Variants in SPATA7 observed in about 807,000 individuals in gnomAD.
SPATA7 encodes the protein spermatogenesis-associated protein 7.
Under a neutral mutation model 51.8 loss-of-function variants are expected in SPATA7, and 43 were observed. The ratio of observed to expected loss-of-function variants is 0.83; its 90% confidence interval spans 0.65 to 1.07. The LOEUF (loss-of-function observed/expected upper bound fraction) is 1.07, where lower values mean the gene tolerates loss of function less well. SPATA7 is among the 50% of genes least tolerant of loss of function. SPATA7 has a pLI of 0.00. For synonymous variants in SPATA7, 230 were observed against 252.8 expected (o/e 0.91, Z 0.86); for missense variants, 683 against 701.3 (o/e 0.97, Z 0.30).
chr14:88,411,769 A>C (rs1240795354), intron 4 of SPATA7, among the ~76,000 whole-genome samples: 1 of 151,992 alleles, frequency 6.6e-6, no homozygotes, highest in Non-Finnish European at 1.5e-5. Context: ...ATGGACACCC[A>C]GGTTGGTTCC....
chr14:88,418,271 T>G (rs2076541296), intron 5 of SPATA7, among the ~76,000 whole-genome samples: 1 of 151,418 alleles, frequency 6.6e-6, no homozygotes. Context: ...TTTATTTCCC[T>G]CTCTCTGGGT....
At chr14:88,430,437 C>A (rs2076909269) in intron 8 of SPATA7, among the ~76,000 whole-genome samples, 1 of 152,112 alleles carries the variant, frequency 6.6e-6, no homozygotes, top group Admixed American at 6.6e-5. Flanking sequence ...TTTTCTAATA[C>A]TTTCTAAAAG....
At chr14:88,420,741 C>T (rs886695959) in intron 5 of SPATA7, among the ~76,000 whole-genome samples, 1 of 152,134 alleles carries the variant, frequency 6.6e-6, no homozygotes, top group South Asian at 2.1e-4. Context: ...CCCCAGACAC[C>T]ATATAATTTT....
chr14:88,412,297 A>G (rs1232567271), intron 4 of SPATA7, among the ~76,000 whole-genome samples: 4 of 151,028 alleles, frequency 2.6e-5, no homozygotes, highest in Non-Finnish European at 5.9e-5. Flanking sequence ...AATGAAATAT[A>G]TATATAAAGG....
At chr14:88,417,437 G>A (rs1446314002) in intron 5 of SPATA7, among the ~76,000 whole-genome samples, 2 of 151,458 alleles carry the variant, frequency 1.3e-5, no homozygotes, top group South Asian at 4.2e-4. Flanking sequence ...CTCCCCAGTA[G>A]CTAGGATCAC....
chr14:88,439,811 T>G (rs1261761423), downstream of SPATA7, among the ~76,000 whole-genome samples: 1 of 152,152 alleles, frequency 6.6e-6, no homozygotes, highest in African/African-American at 2.4e-5. Context: ...ATGGTGGGAC[T>G]GAGCACCCAA....
At chr14:88,467,642 T>C (rs1210435829) in intron 4 of SPATA7, 1 of 151,996 alleles carries the variant, frequency 6.6e-6, no homozygotes, top group Non-Finnish European at 1.5e-5. Flanking sequence ...GATAATAACA[T>C]GATTTTTAAA....
chr14:88,391,868 T>G (rs1471167880), intron 2 of SPATA7: 2 of 174,318 alleles, frequency 1.1e-5, no homozygotes, highest in African/African-American at 4.8e-5. Flanking sequence ...ATGGGCCTCT[T>G]TATCCAACTG....
intron 4 of SPATA7, among the ~76,000 whole-genome samples, chr14:88,407,098 G>A (rs1172717420): frequency 6.6e-6 from 1 of 152,144 alleles, no homozygotes; most frequent in Non-Finnish European, 1.5e-5. Flanking sequence ...TGTCTTTATA[G>A]TAGAATGAGT....
intron 4 of SPATA7, among the ~76,000 whole-genome samples, chr14:88,412,289 T>A (rs1350603514): frequency 6.6e-6 from 1 of 151,648 alleles, no homozygotes; most frequent in African/African-American, 2.4e-5. Flanking sequence ...ACAGAACTAA[T>A]GAAATATATA....
rs2077134911 is a variant in SPATA7 at position 88,437,914 on chromosome 14, A to AT, written c.1293dup (p.Asp432Ter). On this transcript the variant is annotated frameshift_variant, in exon 12 of 12. Coordinates refer to ENST00000393545, the MANE Select transcript of SPATA7 (RefSeq NM_018418.5). LOFTEE classifies it low-confidence loss of function (END_TRUNC). ...TCGGAGGAAAACTCGGTAAAGCAAAATGATGTTGATATGTTGAATGTATTT... is the reference window on the plus strand; with the variant it reads ...TCGGAGGAAAACTCGGTAAAGCAAAATTGATGTTGATATGTTGAATGTATTT... 8.7e-6 allele frequency: 14 copies of AT among 1,612,032 alleles called. No homozygotes were observed. Among genetic ancestry groups the AT allele is most frequent in the African/African-American group, 1.3e-5 (1 of 74,814 alleles).
chr14:88,438,486 T>C (rs1021493486), downstream of SPATA7: 7 of 1,266,644 alleles, frequency 5.5e-6, no homozygotes, highest in African/African-American at 1.0e-4. Flanking sequence ...TTTTTTAAAA[T>C]GTATGTATAA....
chr14:88,468,796 A>G, intron 4 of SPATA7: 2 of 1,268,542 alleles, frequency 1.6e-6, no homozygotes, highest in Non-Finnish European at 2.2e-6. Context: ...CATTAGTAAC[A>G]TCTTGAGGCC....
intron 4 of SPATA7, among the ~76,000 whole-genome samples, chr14:88,403,297 G>A (rs538562933): frequency 1.3e-5 from 2 of 152,252 alleles, no homozygotes; most frequent in East Asian, 3.9e-4. Flanking sequence ...ACTACCATAC[G>A]ATTAAGCAAT....
intron 2 of SPATA7, chr14:88,391,754 A>G (rs1224063710): frequency 7.2e-6 from 3 of 416,722 alleles, no homozygotes; most frequent in Non-Finnish European, 1.3e-5. Context: ...TGCCTTGTTA[A>G]AATGGTGAGT....
intron 2 of SPATA7, chr14:88,391,688 G>A: frequency 5.1e-6 from 3 of 585,954 alleles, no homozygotes; most frequent in South Asian, 4.9e-5. Context: ...GCTCCCAGCT[G>A]CTACAGCAGC....
At chr14:88,463,263 C>G (rs2077328707) in intron 4 of SPATA7, among the ~76,000 whole-genome samples, 1 of 152,084 alleles carries the variant, frequency 6.6e-6, no homozygotes, top group South Asian at 2.1e-4. Flanking sequence ...CCAATTTGCC[C>G]TCCTTCACCC....
intron 4 of SPATA7, among the ~76,000 whole-genome samples, chr14:88,409,899 T>G (rs1004255727): frequency 3.3e-5 from 5 of 152,228 alleles, no homozygotes. Context: ...GTTGTGTGGC[T>G]TTGAGTGAGT....
intron 4 of SPATA7, among the ~76,000 whole-genome samples, chr14:88,402,959 CA>C (rs56330042): frequency 0.14 from 8,893 of 61,750 alleles, 120 homozygotes; most frequent in East Asian, 0.31. Flanking sequence ...AACTCAATAG[CA>C]AAAAAAAAAA....
Sources: gnomAD v4.1 joint callset for allele counts (sites outside exome capture counted in the v4.1 genomes callset) on GRCh38, gnomAD v4.1.1 for gene constraint, MANE v1.5 for transcripts, NCBI Gene and HGNC (gene_info 2026-07-23, HGNC 2026-07-21) for gene names.